The following FAM133A variants were observed in gnomAD, a reference collection of about 807,000 sequenced individuals.
FAM133A encodes the protein family with sequence similarity 133 member A.
For synonymous variants in FAM133A, 65 were observed against 58.6 expected, an observed-to-expected ratio of 1.11 and a Z score of -0.50; for missense variants, 159 against 164.4, an observed-to-expected ratio of 0.97 and a Z score of 0.18.
At chrX:93,691,450 G>A (rs758080350) in intron 2 of FAM133A, among the ~76,000 whole-genome samples, 1 of 111,907 alleles carries the variant, frequency 8.9e-6, no homozygotes, top group African/African-American at 3.2e-5. Flanking sequence ...AAAATCAATT[G>A]ACCATAAATG....
chrX:93,693,395 T>C (rs1569349065), intron 2 of FAM133A, among the ~76,000 whole-genome samples: 1 of 111,419 alleles, frequency 9.0e-6, no homozygotes, highest in Non-Finnish European at 1.9e-5. Flanking sequence ...ATATATTCTT[T>C]AATTTCAAAA....
intron 3 of FAM133A, among the ~76,000 whole-genome samples, chrX:93,702,996 G>T (rs1222705312): frequency 9.1e-6 from 1 of 110,058 alleles, no homozygotes; most frequent in Non-Finnish European, 1.9e-5. Flanking sequence ...GTGATCAGCC[G>T]TGGTGACATG....
At chrX:93,694,711 T>G (rs1926108939) in intron 2 of FAM133A, among the ~76,000 whole-genome samples, 1 of 110,844 alleles carries the variant, frequency 9.0e-6, no homozygotes, top group Admixed American at 9.6e-5. Context: ...AATATTCTAG[T>G]CCCTATCTCA....
intron 3 of FAM133A, among the ~76,000 whole-genome samples, chrX:93,702,556 T>C (rs1174562232): frequency 9.1e-6 from 1 of 110,416 alleles, no homozygotes; most frequent in Non-Finnish European, 1.9e-5. Flanking sequence ...TTCCAGAAAA[T>C]TTATGTAGGC....
chrX:93,699,258 A>G (rs1297019993), intron 3 of FAM133A, among the ~76,000 whole-genome samples: 1 of 111,513 alleles, frequency 9.0e-6, no homozygotes, highest in Non-Finnish European at 1.9e-5. Flanking sequence ...TGTGTTTGGC[A>G]TAACAAAAGT....
chrX:93,686,338 C>G (rs960488734), intron 2 of FAM133A, among the ~76,000 whole-genome samples: 1 of 110,977 alleles, frequency 9.0e-6, no homozygotes, highest in African/African-American at 3.3e-5. Flanking sequence ...CCCACATTTA[C>G]CACTTGCTAG....
chrX:93,697,954 A>T (rs1301936771), intron 2 of FAM133A, among the ~76,000 whole-genome samples: 1 of 111,491 alleles, frequency 9.0e-6, no homozygotes, highest in Non-Finnish European at 1.9e-5. Flanking sequence ...AATTTACTTT[A>T]TTAGGTTTAA....
At chrX:93,691,274 T>C (rs1472986868) in intron 2 of FAM133A, among the ~76,000 whole-genome samples, 1 of 111,694 alleles carries the variant, frequency 9.0e-6, no homozygotes, top group African/African-American at 3.2e-5. Context: ...ATTTTAGCTC[T>C]TACCTTTAGA....
chrX:93,685,200 T>G (rs1426083833), intron 2 of FAM133A, among the ~76,000 whole-genome samples: 1 of 111,740 alleles, frequency 8.9e-6, no homozygotes, highest in Non-Finnish European at 1.9e-5. Flanking sequence ...CTGTTTTTAA[T>G]GGAGAAAAAT....
At chrX:93,683,339 T>C (rs760818280) in intron 2 of FAM133A, among the ~76,000 whole-genome samples, 1 of 111,923 alleles carries the variant, frequency 8.9e-6, no homozygotes, top group South Asian at 3.7e-4. Context: ...TACCAGAGCT[T>C]ATTTTAATAA....
Position 93,709,934 on chromosome X carries a change from A to T in FAM133A, c.515A>T (p.Asp172Val), listed in dbSNP as rs1477753699. 5 of 1,188,347 alleles carry T rather than the reference A, an allele frequency of 4.2e-6. No individual in the cohort carries two copies. In the African/African-American group the frequency reaches 9.0e-5, roughly 21 times the overall value. ...AAGGATGAAACAGAGAAAGAAAAGG[A>T]TGTAAGAAGCCTCAGCAAAAAAAGA... ...KSKDETEKEK[D>V]VRSLSKKRKK... The change falls in exon 4 of 4, where the codon GAT (aspartate) becomes GTT (valine). Residue 172 changes from aspartate (D) to valine (V), a missense_variant. Physicochemically the swap from Asp to Val is radical, Grantham distance 152. Transcript: ENST00000683942.
intron 3 of FAM133A, among the ~76,000 whole-genome samples, chrX:93,705,644 TC>T (rs1168498772): frequency 2.7e-5 from 3 of 111,357 alleles, no homozygotes; most frequent in African/African-American, 9.8e-5. Context: ...TTCATCTTTC[TC>T]CCTTTTACCT....
intron 2 of FAM133A, among the ~76,000 whole-genome samples, chrX:93,679,747 CTTTTTTT>C (rs752855592): frequency 1.7e-5 from 1 of 58,779 alleles, no homozygotes; most frequent in Non-Finnish European, 3.0e-5. Flanking sequence ...TGAAATGTGT[CTTTTTTT>C]TTTTTTTTTT....
At chrX:93,702,327 G>C (rs1460502509) in intron 3 of FAM133A, among the ~76,000 whole-genome samples, 2 of 111,131 alleles carry the variant, frequency 1.8e-5, no homozygotes, top group African/African-American at 3.3e-5. Context: ...AGCAAGTAAG[G>C]GAGTACTTAA....
chrX:93,676,254 G>T (rs1352504299), intron 2 of FAM133A, among the ~76,000 whole-genome samples: 1 of 110,884 alleles, frequency 9.0e-6, no homozygotes, highest in East Asian at 2.8e-4. Context: ...TGTGTTCATT[G>T]ATAAAGTCAG....
At chrX:93,691,210 G>T (rs572035419) in intron 2 of FAM133A, among the ~76,000 whole-genome samples, 2 of 110,705 alleles carry the variant, frequency 1.8e-5, no homozygotes, top group Admixed American at 9.6e-5. Flanking sequence ...AGAACTCTTT[G>T]CCCAACCCCA....
intron 2 of FAM133A, among the ~76,000 whole-genome samples, chrX:93,684,775 AACAAAC>A (rs1925403425): frequency 1.0e-5 from 1 of 99,803 alleles, no homozygotes; most frequent in South Asian, 3.8e-4. Context: ...TAATTAAAAA[AACAAAC>A]ATTTAACACA....
chrX:93,683,239 G>A (rs1925285153), intron 2 of FAM133A, among the ~76,000 whole-genome samples: 1 of 111,491 alleles, frequency 9.0e-6, no homozygotes, highest in Admixed American at 9.6e-5. Context: ...CATTTCATTA[G>A]TATTTTCTTT....
intron 2 of FAM133A, among the ~76,000 whole-genome samples, chrX:93,691,296 G>T (rs751015769): frequency 2.7e-5 from 3 of 110,993 alleles, no homozygotes; most frequent in Non-Finnish European, 3.8e-5. Flanking sequence ...CTTACATTTA[G>T]GTCTGTGATC....
Sources: allele counts gnomAD v4.1 joint callset (sites outside exome capture counted in the v4.1 genomes callset), GRCh38; gene constraint gnomAD v4.1.1; transcripts MANE v1.5; gene names NCBI Gene and HGNC (gene_info 2026-07-23, HGNC 2026-07-21).